The following PPARGC1A variants were observed in gnomAD, a reference collection of about 807,000 sequenced individuals.
PPARGC1A encodes peroxisome proliferator-activated receptor gamma coactivator 1-alpha.
A neutral mutation model predicts 88.7 loss-of-function variants in PPARGC1A; 25 were observed. The ratio of observed to expected loss-of-function variants is 0.28; its 90% CI spans 0.21 to 0.39. PPARGC1A has a LOEUF of 0.39. Among genes scored for constraint, PPARGC1A ranks in the 10% least tolerant of loss-of-function variants. The pLI, the probability that PPARGC1A is intolerant of heterozygous loss-of-function variation, is 1.00. For synonymous variants in PPARGC1A, 363 were observed against 355.6 expected, an observed-to-expected ratio of 1.02 and a Z score of -0.24; for missense variants, 880 against 968.7, an observed-to-expected ratio of 0.91 and a Z score of 1.22.
the PPARGC1A span, among the ~76,000 whole-genome samples, chr4:24,215,842 G>A: frequency 6.6e-6 from 1 of 152,094 alleles, no homozygotes; most frequent in African/African-American, 2.4e-5. Context: ...CTTGGGATAC[G>A]GCTGTGAGAA....
chr4:24,209,670 A>C, the PPARGC1A span, among the ~76,000 whole-genome samples: 1 of 152,326 alleles, frequency 6.6e-6, no homozygotes, highest in Middle Eastern at 3.4e-3. Context: ...CATTGCCTAG[A>C]TTGTAGTCTA....
intron 2 of PPARGC1A, among the ~76,000 whole-genome samples, chr4:23,862,414 C>T (rs972487808): frequency 6.6e-6 from 1 of 152,032 alleles, no homozygotes; most frequent in Middle Eastern, 3.2e-3. Flanking sequence ...GGATGAGAAG[C>T]GTAGTGCCTG....
chr4:24,096,494 CTT>C, the PPARGC1A span, among the ~76,000 whole-genome samples: 1 of 152,176 alleles, frequency 6.6e-6, no homozygotes. Flanking sequence ...CTTTGTAGTA[CTT>C]TGTTACCACA....
At chr4:24,418,591 C>G in the PPARGC1A span, among the ~76,000 whole-genome samples, 5 of 151,782 alleles carry the variant, frequency 3.3e-5, no homozygotes, top group Non-Finnish European at 7.4e-5. Flanking sequence ...GGTGTTAGAA[C>G]CCAGGCCAGG....
the PPARGC1A span, among the ~76,000 whole-genome samples, chr4:24,470,326 T>TCTCACACACACA: frequency 9.1e-6 from 1 of 110,320 alleles, no homozygotes; most frequent in Non-Finnish European, 1.9e-5. The surrounding 1 kb of genome is among the most constrained non-coding windows in gnomAD (Gnocchi z 5.8). Context: ...ACACACACAC[T>TCTCACACACACA]CTCTCACACA....
At chr4:24,154,245 T>C in the PPARGC1A span, among the ~76,000 whole-genome samples, 1 of 152,216 alleles carries the variant, frequency 6.6e-6, no homozygotes, top group Non-Finnish European at 1.5e-5. Flanking sequence ...CAGTGACTTA[T>C]GTGTCTATTT....
chr4:24,349,737 C>G, the PPARGC1A span, among the ~76,000 whole-genome samples: 15 of 152,148 alleles, frequency 9.9e-5, no homozygotes, highest in Admixed American at 7.9e-4. Flanking sequence ...CTCCCAACTG[C>G]GAGAGAAAAG....
intron 2 of PPARGC1A, among the ~76,000 whole-genome samples, chr4:23,835,966 G>A (rs1006356009): frequency 1.3e-5 from 2 of 152,162 alleles, no homozygotes; most frequent in Non-Finnish European, 2.9e-5. Flanking sequence ...CAAAGTCACC[G>A]CAGATGAAGC....
At chr4:24,415,449 T>A in the PPARGC1A span, among the ~76,000 whole-genome samples, 1 of 152,142 alleles carries the variant, frequency 6.6e-6, no homozygotes, top group Non-Finnish European at 1.5e-5. Flanking sequence ...GTAATACCAG[T>A]TTATAAGTAG....
the PPARGC1A span, among the ~76,000 whole-genome samples, chr4:24,224,619 T>C: frequency 6.6e-6 from 1 of 152,132 alleles, no homozygotes; most frequent in Non-Finnish European, 1.5e-5. Flanking sequence ...AAAGAAAGCA[T>C]TGAACAAAAC....
chr4:23,792,925 A>G lies in PPARGC1A; in HGVS notation c.*2897T>C, dbSNP rs555525557. On this transcript the variant is annotated 3_prime_UTR_variant, in exon 13 of 13. Coordinates refer to ENST00000264867, the MANE Select transcript of PPARGC1A (RefSeq NM_013261.5). ...GAGGAAAACTATCTTCATGGTAACAATATTTGTCAGGCTGGGGGTAGGGGG... is the reference window on the plus strand; with the variant it reads ...GAGGAAAACTATCTTCATGGTAACAGTATTTGTCAGGCTGGGGGTAGGGGG... The G allele has an allele frequency of 2.0e-5, 3 of 152,460 alleles. No individual in the cohort carries two copies. The South Asian group carries it at 6.2e-4, about 32-fold the overall frequency. The allele number at this position is 152,460 out of a possible 1,614,324, so 9.4% of individuals were successfully genotyped here. A position where few individuals can be genotyped will look rare whatever the true frequency, so the allele number is the denominator to read the frequency against.
chr4:23,965,665 C>T, the PPARGC1A span, among the ~76,000 whole-genome samples: 89 of 152,190 alleles, frequency 5.8e-4, no homozygotes, highest in East Asian at 1.9e-4. Flanking sequence ...TGAGGGCTGG[C>T]GAAGCTCCTG....
chr4:23,989,817 C>T, the PPARGC1A span, among the ~76,000 whole-genome samples: 4 of 151,278 alleles, frequency 2.6e-5, no homozygotes, highest in Non-Finnish European at 5.9e-5. Flanking sequence ...TATTCTTTGA[C>T]AAGATTTAAA....
chr4:23,888,288 T>G (rs1206958883), intron 1 of PPARGC1A, among the ~76,000 whole-genome samples: 1 of 152,170 alleles, frequency 6.6e-6, no homozygotes, highest in Non-Finnish European at 1.5e-5. Flanking sequence ...AGAAAAAAAT[T>G]TAAAGGCCAC....
the PPARGC1A span, among the ~76,000 whole-genome samples, chr4:24,137,644 C>T: frequency 6.6e-6 from 1 of 152,068 alleles, no homozygotes; most frequent in African/African-American, 2.4e-5. Flanking sequence ...GTCCATACTG[C>T]CCCCCACAAG....
the PPARGC1A span, among the ~76,000 whole-genome samples, chr4:24,077,937 A>AATTTCC: frequency 6.6e-6 from 1 of 151,556 alleles, no homozygotes; most frequent in Non-Finnish European, 1.5e-5. Context: ...AATTAATTTT[A>AATTTCC]ATTTCCACTT....
At chr4:24,039,694 T>C in the PPARGC1A span, among the ~76,000 whole-genome samples, 1 of 152,178 alleles carries the variant, frequency 6.6e-6, no homozygotes, top group Admixed American at 6.5e-5. Context: ...ACCTCATTTC[T>C]TCCTCTATTA....
the PPARGC1A span, among the ~76,000 whole-genome samples, chr4:24,255,025 T>G: frequency 0.046 from 6,998 of 152,308 alleles, 224 homozygotes; most frequent in Middle Eastern, 0.099. Flanking sequence ...TTGTAAAGAC[T>G]GAGCATATTT....
chr4:24,074,341 T>C, the PPARGC1A span, among the ~76,000 whole-genome samples: 4 of 152,160 alleles, frequency 2.6e-5, no homozygotes, highest in African/African-American at 7.2e-5. Flanking sequence ...GGAATAATTA[T>C]ACTTACAATT....
Sources: allele counts gnomAD v4.1 joint callset (sites outside exome capture counted in the v4.1 genomes callset), GRCh38; gene constraint gnomAD v4.1.1; non-coding constraint Gnocchi (gnomAD v3.1); transcripts MANE v1.5; gene names NCBI Gene and HGNC (gene_info 2026-07-23, HGNC 2026-07-21).